Variants in ZNF385D observed in about 807,000 individuals in gnomAD.
ZNF385D encodes the protein zinc finger protein 659.
A neutral mutation model predicts 35.8 loss-of-function variants in ZNF385D; 15 were observed. The observed-to-expected ratio is 0.42, with a 90% confidence interval of 0.28 to 0.64. The LOEUF (loss-of-function observed/expected upper bound fraction) is 0.64, where lower values mean the gene tolerates loss of function less well. Among genes scored for constraint, ZNF385D ranks in the 30% least tolerant of loss-of-function variants. The pLI is 0.23. For synonymous variants in ZNF385D, 212 were observed against 186.8 expected (o/e 1.13, Z -1.10); for missense variants, 474 against 494.6 (o/e 0.96, Z 0.39).
At chr3:22,344,428 C>T (rs561253045) in intron 2 of ZNF385D, among the ~76,000 whole-genome samples, 1 of 152,182 alleles carries the variant, frequency 6.6e-6, no homozygotes, top group African/African-American at 2.4e-5. Flanking sequence ...CTCGCTCTGT[C>T]ACCCAAGCTA....
At chr3:21,724,682 GA>G (rs1225285999) in intron 1 of ZNF385D, among the ~76,000 whole-genome samples, 10 of 151,890 alleles carry the variant, frequency 6.6e-5, no homozygotes, top group African/African-American at 2.2e-4. Flanking sequence ...GATTCATAAA[GA>G]AAGTTCTTAG....
Position 21,878,296 on chromosome 3 carries a change from A to C in ZNF385D, c.326-213268T>G, listed in dbSNP as rs962597592. The stretch of plus-strand genomic sequence containing the variant: ...GCAAGCAGTCTGACTGTGGATTCAA[A>C]TTCTTAATTACTATGAGATATTGTC... On this transcript the variant is annotated intron_variant, in intron 3 of 5. Coordinates refer to the ZNF385D transcript ENST00000494108. 4 of 151,998 alleles carry C rather than the reference A, an allele frequency of 2.6e-5. No individual in the cohort carries two copies. In the East Asian group the frequency reaches 5.8e-4, roughly 22 times the overall value. The allele number at this position is 151,998 out of a possible 1,614,324, so 9.4% of individuals were successfully genotyped here.
chr3:21,557,459 G>T (rs2125621585), intron 3 of ZNF385D, among the ~76,000 whole-genome samples: 1 of 152,178 alleles, frequency 6.6e-6, no homozygotes, highest in Admixed American at 6.5e-5. Context: ...TATGTGATAG[G>T]TTACGTATAT....
At chr3:22,334,390 A>G (rs936738985) in intron 2 of ZNF385D, among the ~76,000 whole-genome samples, 3 of 152,096 alleles carry the variant, frequency 2.0e-5, no homozygotes, top group African/African-American at 7.2e-5. Context: ...TGTTAGTTCC[A>G]TTTACCCTTT....
At chr3:21,869,816 A>G (rs651235) in intron 3 of ZNF385D, among the ~76,000 whole-genome samples, 37,629 of 152,010 alleles carry the variant, frequency 0.25, 4,828 homozygotes, top group Middle Eastern at 0.41. Flanking sequence ...TAGCATTTAA[A>G]TAAGCTTCTT....
In ZNF385D at chr3:22,289,038, T is replaced by C. The variant is rs113685742; in HGVS notation, c.106+83412A>G. ...GTGTCTCTAGATGCAGCTGGAAAGGTTGGGGTGTTAGATGTTTGTTCTAGT... is the reference window on the plus strand; with the variant it reads ...GTGTCTCTAGATGCAGCTGGAAAGGCTGGGGTGTTAGATGTTTGTTCTAGT... On this transcript the variant is annotated intron_variant, in intron 2 of 5. Transcript: ENST00000494108. Among the ~76,000 whole-genome samples the C allele has an allele frequency of 9.6e-3, 1,456 of 152,112 alleles. 24 individuals carry two copies. Among genetic ancestry groups the C allele is most frequent in the African/African-American group, 0.034 (1,399 of 41,510 alleles).
At chr3:22,212,919 G>GA (rs935742974) in intron 2 of ZNF385D, among the ~76,000 whole-genome samples, 18 of 151,432 alleles carry the variant, frequency 1.2e-4, no homozygotes, top group Middle Eastern at 3.5e-3. Context: ...CTTAACTAAG[G>GA]AAAAAAAATC....
chr3:22,258,487 A>G (rs1700429346), intron 2 of ZNF385D, among the ~76,000 whole-genome samples: 1 of 151,790 alleles, frequency 6.6e-6, no homozygotes, highest in Non-Finnish European at 1.5e-5. Context: ...CTTGGGTTTT[A>G]GAACCAAATC....
intron 3 of ZNF385D, among the ~76,000 whole-genome samples, chr3:22,057,264 A>T (rs1699453865): frequency 6.6e-6 from 1 of 152,206 alleles, no homozygotes; most frequent in African/African-American, 2.4e-5. Flanking sequence ...AAATTACAAG[A>T]ATAATAATAC....
chr3:21,883,399 T>C (rs554752976), intron 3 of ZNF385D, among the ~76,000 whole-genome samples: 4 of 152,112 alleles, frequency 2.6e-5, no homozygotes, highest in Non-Finnish European at 4.4e-5. Flanking sequence ...TCTCACCAAA[T>C]TGACTAAATC....
chr3:21,858,897 T>A (rs1482974723), intron 3 of ZNF385D, among the ~76,000 whole-genome samples: 1 of 152,078 alleles, frequency 6.6e-6, no homozygotes, highest in Non-Finnish European at 1.5e-5. Flanking sequence ...TGCCAGTGAA[T>A]CCGATAACAG....
At chr3:21,589,373 ATTGT>A (rs35187529) in intron 2 of ZNF385D, among the ~76,000 whole-genome samples, 77,122 of 151,622 alleles carry the variant, frequency 0.51, 20,075 homozygotes, top group East Asian at 0.59. Flanking sequence ...AGCTGGGACA[ATTGT>A]TTGTTTACTC....
intron 3 of ZNF385D, among the ~76,000 whole-genome samples, chr3:22,161,310 A>G (rs1705932858): frequency 6.6e-6 from 1 of 152,088 alleles, no homozygotes; most frequent in African/African-American, 2.4e-5. Flanking sequence ...AATTGTGACA[A>G]AAATTAGAAG....
intron 3 of ZNF385D, among the ~76,000 whole-genome samples, chr3:21,997,861 G>GCA (rs1695568388): frequency 1.3e-5 from 1 of 75,916 alleles, no homozygotes; most frequent in African/African-American, 3.8e-5. Context: ...TATTTGGCGC[G>GCA]CGCGCGCGCG....
At chr3:22,151,649 G>C (rs1705243570) in intron 3 of ZNF385D, among the ~76,000 whole-genome samples, 1 of 152,088 alleles carries the variant, frequency 6.6e-6, no homozygotes, top group South Asian at 2.1e-4. Context: ...CAACTGATTG[G>C]CTGGGGCCCA....
rs192059245 is a variant in ZNF385D at position 22,222,566 on chromosome 3, G to C, written c.107-53531C>G. ...TGCTTTATCTCTGGACTTGAACTAG[G>C]CTTGCATAACAGGAACTAGCAGGAC... On this transcript the variant is annotated intron_variant, in intron 2 of 5. Coordinates refer to the ZNF385D transcript ENST00000494108. Among the ~76,000 whole-genome samples, 14 of 152,204 alleles carry C rather than the reference G, an allele frequency of 9.2e-5. No individual in the cohort carries two copies. The East Asian group carries it at 2.5e-3, about 27-fold the overall frequency.
At chr3:21,996,304 T>G (rs1025820225) in intron 3 of ZNF385D, among the ~76,000 whole-genome samples, 1 of 152,148 alleles carries the variant, frequency 6.6e-6, no homozygotes, top group African/African-American at 2.4e-5. Context: ...TGGGTATACT[T>G]CATTTACCTT....
At chr3:21,843,945 G>A (rs1240081902) in intron 3 of ZNF385D, among the ~76,000 whole-genome samples, 4 of 151,862 alleles carry the variant, frequency 2.6e-5, no homozygotes, top group South Asian at 4.2e-4. Flanking sequence ...TGCACAAAAG[G>A]AACTCTAGTA....
intron 3 of ZNF385D, among the ~76,000 whole-genome samples, chr3:21,998,043 T>G (rs989902746): frequency 2.6e-5 from 4 of 152,094 alleles, no homozygotes; most frequent in Admixed American, 2.6e-4. Flanking sequence ...CTATGAATTT[T>G]ATTAATAATA....
Sources: allele counts gnomAD v4.1 joint callset (sites outside exome capture counted in the v4.1 genomes callset), GRCh38; gene constraint gnomAD v4.1.1; transcripts MANE v1.5; gene names NCBI Gene and HGNC (gene_info 2026-07-23, HGNC 2026-07-21).